The following CNTNAP2 variants were observed in gnomAD, a reference collection of about 807,000 sequenced individuals.
CNTNAP2 encodes the protein contactin associated protein 2, also known as contactin-associated protein-like 2.
In CNTNAP2, 98 loss-of-function variants were observed where a neutral mutation model predicts 155.2. That is an observed-to-expected ratio of 0.63 (90% CI 0.54 to 0.75). The LOEUF (loss-of-function observed/expected upper bound fraction) is 0.75, where lower values mean the gene tolerates loss of function less well. Among genes scored for constraint, CNTNAP2 ranks in the 30% least tolerant of loss-of-function variants. CNTNAP2 has a pLI of 0.00. For synonymous variants in CNTNAP2, 651 were observed against 631.2 expected (o/e 1.03, Z -0.47); for missense variants, 1,727 against 1,688.1 (o/e 1.02, Z -0.40).
chr7:148,227,884 C>CGTGTGTGTGTGTGTGT (rs3057282), intron 19 of CNTNAP2, among the ~76,000 whole-genome samples: 5 of 131,406 alleles, frequency 3.8e-5, no homozygotes, highest in East Asian at 2.3e-4. Flanking sequence ...AAGAGCACAG[C>CGTGTGTGTGTGTGTGT]GTGTGTGTGT....
chr7:146,712,658 C>T (rs1310847123), intron 1 of CNTNAP2, among the ~76,000 whole-genome samples: 9 of 151,372 alleles, frequency 5.9e-5, no homozygotes, highest in Admixed American at 5.9e-4. Context: ...TCTACTTTTG[C>T]CTTTTTTTTT....
intron 20 of CNTNAP2, among the ~76,000 whole-genome samples, chr7:148,235,501 A>G (rs948146738): frequency 4.6e-5 from 7 of 152,158 alleles, no homozygotes; most frequent in Non-Finnish European, 8.8e-5. Flanking sequence ...AGGCACTCTG[A>G]GGACCTGCCA....
chr7:146,740,374 G>A (rs1209319284), intron 1 of CNTNAP2, among the ~76,000 whole-genome samples: 3 of 148,616 alleles, frequency 2.0e-5, no homozygotes, highest in African/African-American at 7.5e-5. Flanking sequence ...TCACTTCTCT[G>A]TATTTTTTGA....
At chr7:146,938,793 G>A (rs1420876329) in intron 3 of CNTNAP2, among the ~76,000 whole-genome samples, 1 of 151,822 alleles carries the variant, frequency 6.6e-6, no homozygotes, top group Non-Finnish European at 1.5e-5. Flanking sequence ...TTTATTTTGT[G>A]TGCTCAAATC....
At chr7:147,779,870 T>C (rs1041466217) in intron 13 of CNTNAP2, among the ~76,000 whole-genome samples, 1 of 152,354 alleles carries the variant, frequency 6.6e-6, no homozygotes, top group South Asian at 2.1e-4. Flanking sequence ...CATCACACTT[T>C]ACTTTTGAGA....
At chr7:147,389,646 A>G (rs1796676637) in intron 9 of CNTNAP2, among the ~76,000 whole-genome samples, 1 of 152,228 alleles carries the variant, frequency 6.6e-6, no homozygotes, top group African/African-American at 2.4e-5. Flanking sequence ...CAGACATGCC[A>G]GTGAAGTAAT....
In CNTNAP2 at chr7:147,919,459, C is replaced by CTTTCT. The variant is rs58537091; in HGVS notation, c.2255+15741_2255+15742insCTTTT. ...CACCATGTCTGGCTACTTTTTCTTT[C>CTTTCT]TTTTTTTTTTTTTTTTTGAGACAGA... On this transcript the variant is annotated intron_variant, in intron 14 of 23. Transcript: ENST00000361727. Among the ~76,000 whole-genome samples the CTTTCT allele has an allele frequency of 5.1e-4, 26 of 51,234 alleles. 5 individuals are homozygous for CTTTCT. The highest frequency in any genetic ancestry group is 9.7e-4 in the African/African-American group (9 of 9,304). The allele number at this position is 51,234 out of a possible 152,430, so 33.6% of individuals were successfully genotyped here.
chr7:146,572,722 A>G (rs908039511), intron 1 of CNTNAP2, among the ~76,000 whole-genome samples: 1 of 152,114 alleles, frequency 6.6e-6, no homozygotes, highest in Non-Finnish European at 1.5e-5. Context: ...AAGCAATATC[A>G]TAAAAAAGTA....
chr7:147,491,505 C>T (rs542119531), intron 11 of CNTNAP2, among the ~76,000 whole-genome samples: 1 of 152,306 alleles, frequency 6.6e-6, no homozygotes, highest in Non-Finnish European at 1.5e-5. Context: ...TGATTTTGCA[C>T]TTATTATTCA....
intron 1 of CNTNAP2, among the ~76,000 whole-genome samples, chr7:146,175,855 C>T (rs1300050305): frequency 6.6e-6 from 1 of 151,978 alleles, no homozygotes; most frequent in Non-Finnish European, 1.5e-5. Flanking sequence ...GTCTATTTTT[C>T]TTTCTTTCTC....
At chr7:147,481,843 C>A (rs760615098) in intron 10 of CNTNAP2, among the ~76,000 whole-genome samples, 1 of 152,132 alleles carries the variant, frequency 6.6e-6, no homozygotes, top group Admixed American at 6.6e-5. Flanking sequence ...TGATGTGAAC[C>A]AAACTTTCAA....
At chr7:146,213,621 T>C (rs1799069758) in intron 1 of CNTNAP2, among the ~76,000 whole-genome samples, 1 of 152,166 alleles carries the variant, frequency 6.6e-6, no homozygotes. Context: ...TAGAACACTT[T>C]TCATCAGAAA....
At chr7:148,032,093 T>C (rs1489162463) in intron 15 of CNTNAP2, among the ~76,000 whole-genome samples, 2 of 152,102 alleles carry the variant, frequency 1.3e-5, no homozygotes, top group Non-Finnish European at 2.9e-5. Flanking sequence ...AGAATTAATG[T>C]GCCTCCCTAA....
At chr7:146,809,348 G>C (rs945482390) in intron 2 of CNTNAP2, among the ~76,000 whole-genome samples, 9 of 151,992 alleles carry the variant, frequency 5.9e-5, no homozygotes, top group Admixed American at 4.6e-4. Flanking sequence ...CTGGCCATTT[G>C]GTTTTTCATT....
intron 1 of CNTNAP2, among the ~76,000 whole-genome samples, chr7:146,487,182 C>G (rs866734821): frequency 2.6e-5 from 4 of 152,030 alleles, no homozygotes; most frequent in African/African-American, 7.2e-5. Context: ...ATAACAAAAA[C>G]GGATTATGAT....
At chr7:147,191,804 A>C (rs1453662799) in intron 8 of CNTNAP2, among the ~76,000 whole-genome samples, 1 of 152,184 alleles carries the variant, frequency 6.6e-6, no homozygotes, top group East Asian at 1.9e-4. Flanking sequence ...AACCCTACAA[A>C]TTTCTTAACT....
intron 18 of CNTNAP2, among the ~76,000 whole-genome samples, chr7:148,173,543 C>T (rs866535905): frequency 1.7e-4 from 26 of 152,068 alleles, no homozygotes; most frequent in African/African-American, 5.6e-4. Flanking sequence ...TGTTTGGCAG[C>T]GCTATAATAT....
In CNTNAP2 at chr7:147,154,171, T is replaced by A. The variant is rs563564905; in HGVS notation, c.1348+21662T>A. On this transcript the variant is annotated intron_variant, in intron 8 of 23. Coordinates refer to ENST00000361727, the MANE Select transcript of CNTNAP2 (RefSeq NM_014141.6). The stretch of plus-strand genomic sequence containing the variant: ...AACATTCATAATGGCATTGATAAGA[T>A]AAAACAGTTTCTATGCATTGGTAAA... Among the ~76,000 whole-genome samples the A allele has an allele frequency of 7.2e-5, 11 of 151,882 alleles. No individual in the cohort carries two copies. The East Asian group carries it at 2.1e-3, about 30-fold the overall frequency.
intron 1 of CNTNAP2, among the ~76,000 whole-genome samples, chr7:146,219,152 G>A (rs886678218): frequency 1.3e-5 from 2 of 152,078 alleles, no homozygotes; most frequent in African/African-American, 4.8e-5. Context: ...GATCTCACGA[G>A]AAGTCACTCA....
Sources: gnomAD v4.1 joint callset for allele counts (sites outside exome capture counted in the v4.1 genomes callset) on GRCh38, gnomAD v4.1.1 for gene constraint, MANE v1.5 for transcripts, NCBI Gene and HGNC (gene_info 2026-07-23, HGNC 2026-07-21) for gene names.